SCFD2: variants seen among roughly 807,000 people sequenced by gnomAD.
SCFD2 encodes the protein sec1 family domain containing 2.
Under a neutral mutation model 58.9 loss-of-function variants are expected in SCFD2, and 54 were observed. That is an observed-to-expected ratio of 0.92 (90% CI 0.74 to 1.15). SCFD2 has a LOEUF of 1.15. Ranked by LOEUF, SCFD2 falls within the 50% of genes most tolerant of loss-of-function variation. The pLI is 0.00. For synonymous variants in SCFD2, 321 were observed against 335.9 expected, an observed-to-expected ratio of 0.96 and a Z score of 0.49; for missense variants, 805 against 836.6, an observed-to-expected ratio of 0.96 and a Z score of 0.47.
intron 5 of SCFD2, among the ~76,000 whole-genome samples, chr4:53,098,336 C>A (rs897125034): frequency 6.6e-6 from 1 of 152,102 alleles, no homozygotes; most frequent in Non-Finnish European, 1.5e-5. Flanking sequence ...GCTGTGAATC[C>A]GTCAGGTCCT....
chr4:52,941,578 C>T (rs781319539), intron 5 of SCFD2, among the ~76,000 whole-genome samples: 7 of 152,150 alleles, frequency 4.6e-5, no homozygotes, highest in African/African-American at 9.7e-5. Flanking sequence ...CATTGGACAG[C>T]GAGTATTGGG....
chr4:52,993,104 C>G (rs536596147), intron 5 of SCFD2, among the ~76,000 whole-genome samples: 137 of 152,150 alleles, frequency 9.0e-4, no homozygotes, highest in African/African-American at 3.2e-3. Context: ...CCCCAACCCC[C>G]TGCTCTCTGA....
At chr4:53,107,173 T>G (rs1725028490) in intron 5 of SCFD2, among the ~76,000 whole-genome samples, 1 of 152,100 alleles carries the variant, frequency 6.6e-6, no homozygotes, top group Admixed American at 6.6e-5. Context: ...AACAAGCAAA[T>G]GCTGAGAGAT....
Position 52,885,867 on chromosome 4 carries a change from C to T in SCFD2, c.1843-1G>A. ...AGTCACTAGGATGAGGCCGGCTCAC[C>T]TGCAAAACAAAACACCAGCAATATC... On this transcript the variant is annotated splice_acceptor_variant, in intron 7 of 8. Transcript: ENST00000401642. LOFTEE classifies it high-confidence loss of function. 1 of 1,613,976 alleles carries T rather than the reference C, an allele frequency of 6.2e-7. No homozygotes were observed. Among genetic ancestry groups the T allele is most frequent in the Non-Finnish European group, 8.5e-7 (1 of 1,179,884 alleles).
intron 4 of SCFD2, among the ~76,000 whole-genome samples, chr4:53,266,275 T>C (rs1452980612): frequency 6.6e-6 from 1 of 152,204 alleles, no homozygotes; most frequent in Non-Finnish European, 1.5e-5. Context: ...GCATTTGTAA[T>C]ATTTTTGACC....
intron 5 of SCFD2, among the ~76,000 whole-genome samples, chr4:53,019,056 C>G (rs867994602): frequency 6.6e-6 from 1 of 152,072 alleles, no homozygotes; most frequent in South Asian, 2.1e-4. Context: ...AGCAAATTTC[C>G]CAGGGTGCAA....
chr4:52,885,550 C>T (rs186740030), intron 8 of SCFD2, among the ~76,000 whole-genome samples, 197 bp downstream of exon 8: 2 of 152,174 alleles, frequency 1.3e-5, no homozygotes, highest in East Asian at 3.9e-4. Flanking sequence ...CAAAGGAACT[C>T]CAGGGCATGT....
intron 5 of SCFD2, among the ~76,000 whole-genome samples, chr4:52,984,295 C>T (rs1333779253): frequency 6.6e-6 from 1 of 152,150 alleles, no homozygotes; most frequent in Non-Finnish European, 1.5e-5. Context: ...AAATCACTGA[C>T]ATAACAAAGT....
chr4:53,302,058 C>T lies in SCFD2; in HGVS notation c.1135+11578G>A, dbSNP rs180985345. 4.8e-3 allele frequency among the ~76,000 whole-genome samples: 737 copies of T among 152,284 alleles called. 2 individuals carry two copies. The highest frequency in any genetic ancestry group is 0.017 in the African/African-American group (710 of 41,574). On this transcript the variant is annotated intron_variant, in intron 3 of 8. Coordinates refer to ENST00000401642, the MANE Select transcript of SCFD2 (RefSeq NM_152540.4). ...AACGGGCACAAGACAGGGATGCCCT[C>T]TCTCACCACTCCTATTCAACATAGT... is the stretch of plus-strand genomic sequence containing the variant.
intron 4 of SCFD2, among the ~76,000 whole-genome samples, chr4:53,173,870 T>C (rs1327770477): frequency 6.6e-6 from 1 of 152,172 alleles, no homozygotes; most frequent in Non-Finnish European, 1.5e-5. Context: ...GCTCATACCA[T>C]ATAGACATAC....
At chr4:53,271,707 C>T (rs1375784804) in intron 4 of SCFD2, among the ~76,000 whole-genome samples, 1 of 152,114 alleles carries the variant, frequency 6.6e-6, no homozygotes, top group African/African-American at 2.4e-5. Flanking sequence ...AAGTGATCCG[C>T]CCACCTCGGC....
At chr4:53,105,742 G>A (rs1268883847) in intron 5 of SCFD2, among the ~76,000 whole-genome samples, 5 of 152,190 alleles carry the variant, frequency 3.3e-5, no homozygotes, top group Admixed American at 3.3e-4. Flanking sequence ...CTGGGGGAAG[G>A]AGCGGCTGTG....
intron 5 of SCFD2, among the ~76,000 whole-genome samples, chr4:52,986,562 G>T (rs549588027): frequency 7.1e-6 from 1 of 140,484 alleles, no homozygotes; most frequent in Non-Finnish European, 1.5e-5. Flanking sequence ...GCAGTGGTGC[G>T]ATCTTGGCTC....
At chr4:53,005,140 C>T (rs1384821711) in intron 5 of SCFD2, among the ~76,000 whole-genome samples, 1 of 152,156 alleles carries the variant, frequency 6.6e-6, no homozygotes, top group Non-Finnish European at 1.5e-5. Context: ...TCAAGTGATC[C>T]ACTCGTCTTT....
chr4:53,283,490 G>A (rs1430905444), intron 3 of SCFD2, among the ~76,000 whole-genome samples: 1 of 152,068 alleles, frequency 6.6e-6, no homozygotes, highest in Admixed American at 6.6e-5. Context: ...TGGAACTATT[G>A]GATGGGTGAG....
intron 5 of SCFD2, among the ~76,000 whole-genome samples, chr4:53,110,869 G>C (rs1725149682): frequency 6.6e-6 from 1 of 152,066 alleles, no homozygotes. Flanking sequence ...ATCATTCTAT[G>C]ATAAAGACAC....
chr4:53,067,224 TTGGGA>T (rs1723687065), intron 5 of SCFD2, among the ~76,000 whole-genome samples: 1 of 152,022 alleles, frequency 6.6e-6, no homozygotes, highest in African/African-American at 2.4e-5. Context: ...ATGTACAGGA[TTGGGA>T]TGGAGATCTC....
At chr4:53,079,569 G>T (rs1257433373) in intron 5 of SCFD2, among the ~76,000 whole-genome samples, 1 of 152,160 alleles carries the variant, frequency 6.6e-6, no homozygotes, top group Non-Finnish European at 1.5e-5. Flanking sequence ...TACTCTATGT[G>T]TGCTATCACT....
At chr4:52,896,220 G>T (rs1217500957) in intron 7 of SCFD2, among the ~76,000 whole-genome samples, 17 of 152,162 alleles carry the variant, frequency 1.1e-4, no homozygotes, top group Non-Finnish European at 2.1e-4. Context: ...TGGTGTTTTA[G>T]ACATGAAGTC....
Sources: allele counts gnomAD v4.1 joint callset (sites outside exome capture counted in the v4.1 genomes callset), GRCh38; gene constraint gnomAD v4.1.1; transcripts MANE v1.5; gene names NCBI Gene and HGNC (gene_info 2026-07-23, HGNC 2026-07-21).